RARB: variants seen among roughly 807,000 people sequenced by gnomAD.
RARB encodes the protein retinoic acid receptor beta, also known as HBV-activated protein.
A neutral mutation model predicts 51.9 loss-of-function variants in RARB; 17 were observed. The ratio of observed to expected loss-of-function variants is 0.33; its 90% CI spans 0.22 to 0.49. RARB has a LOEUF of 0.49. Ranked by LOEUF, RARB falls within the 20% of genes least tolerant of loss-of-function variation. RARB has a pLI of 0.99. For missense variants in RARB, 369 were observed against 550.8 expected (o/e 0.67, Z 3.30); for synonymous variants, 215 against 195.4 (o/e 1.10, Z -0.84).
intron 3 of RARB, among the ~76,000 whole-genome samples, chr3:25,120,157 G>A (rs1402089724): frequency 6.6e-6 from 1 of 152,112 alleles, no homozygotes; most frequent in East Asian, 1.9e-4. Context: ...CTATATCAGG[G>A]TTGCAAACCC....
At chr3:25,196,788 T>A (rs1701250772) in intron 5 of RARB, among the ~76,000 whole-genome samples, 1 of 152,192 alleles carries the variant, frequency 6.6e-6, no homozygotes, top group Admixed American at 6.5e-5. Flanking sequence ...GGTATCTCAT[T>A]GTGGTTTTGA....
intron 3 of RARB, among the ~76,000 whole-genome samples, chr3:25,509,683 A>G (rs1447710656): frequency 1.3e-5 from 2 of 151,954 alleles, no homozygotes; most frequent in South Asian, 2.1e-4. Context: ...CTGGAACCCA[A>G]CTCCATGGAG....
chr3:24,989,464 C>G lies in RARB; in HGVS notation c.-379-70661C>G, dbSNP rs547633402. ...TTTTCACTCCCACCAGCAATATACT[C>G]GAGTTTCCACTTCCCTACATCCTCA... On this transcript the variant is annotated intron_variant, in intron 2 of 11. Transcript: ENST00000383772. 1.3e-3 allele frequency among the ~76,000 whole-genome samples: 55 copies of G among 43,380 alleles called. 15 individuals are homozygous for G. Among genetic ancestry groups the G allele is most frequent in the Non-Finnish European group, 2.0e-3 (47 of 22,964 alleles). The allele number at this position is 43,380 out of a possible 152,430, so 28.5% of individuals were successfully genotyped here.
At chr3:25,094,716 C>CAAAAAAAAAAAAAAAAA (rs57477720) in intron 3 of RARB, among the ~76,000 whole-genome samples, 2 of 43,106 alleles carry the variant, frequency 4.6e-5, no homozygotes, top group Non-Finnish European at 7.9e-5. Flanking sequence ...GACCCCATCT[C>CAAAAAAAAAAAAAAAAA]AAAAAAAAAA....
Position 24,924,941 on chromosome 3 carries a change from G to A in RARB, c.-380+66189G>A, listed in dbSNP as rs565061686. Among the ~76,000 whole-genome samples, 121 of 152,080 alleles carry A rather than the reference G, an allele frequency of 8.0e-4. 1 individual carries two copies. The highest frequency in any genetic ancestry group is 1.5e-3 in the Non-Finnish European group (103 of 67,996). On this transcript the variant is annotated intron_variant, in intron 2 of 11. Transcript: ENST00000383772. ...CTGGCACATAGAGGATGGTGAATACGTGGTAGTCAACCACTATAGACAATG... is the reference window on the plus strand; with the variant it reads ...CTGGCACATAGAGGATGGTGAATACATGGTAGTCAACCACTATAGACAATG...
chr3:25,027,918 T>C (rs4858686), intron 2 of RARB, among the ~76,000 whole-genome samples: 29,788 of 152,070 alleles, frequency 0.2, 3,155 homozygotes, highest in African/African-American at 0.24. Flanking sequence ...AGAAAAACGA[T>C]GGTTGTGCAC....
chr3:25,516,714 C>A (rs1698183024), intron 3 of RARB, among the ~76,000 whole-genome samples: 1 of 149,962 alleles, frequency 6.7e-6, no homozygotes, highest in Non-Finnish European at 1.5e-5. Context: ...GCAATCTCTG[C>A]CTCCTGGGTT....
At chr3:25,161,823 A>T (rs370691885) in intron 4 of RARB, among the ~76,000 whole-genome samples, 59 of 152,322 alleles carry the variant, frequency 3.9e-4, no homozygotes, top group African/African-American at 1.4e-3. Flanking sequence ...TGAATAGGGG[A>T]AGGGGCCCAT....
At chr3:25,229,020 C>G (rs941516606) in intron 5 of RARB, among the ~76,000 whole-genome samples, 3 of 152,118 alleles carry the variant, frequency 2.0e-5, no homozygotes, top group African/African-American at 7.2e-5. Flanking sequence ...CTGTCCTATC[C>G]ACTAACTCAG....
intron 5 of RARB, among the ~76,000 whole-genome samples, chr3:25,407,758 CT>C (rs11293787): frequency 0.81 from 118,480 of 146,960 alleles, 47,714 homozygotes; most frequent in East Asian, 0.98. Context: ...TGCATGAAGG[CT>C]TTTTTTTTTT....
chr3:24,944,157 G>C (rs1021292255), intron 2 of RARB, among the ~76,000 whole-genome samples: 3 of 152,154 alleles, frequency 2.0e-5, no homozygotes, highest in East Asian at 1.9e-4. Context: ...ATGATTGCCT[G>C]TTTCAAAGCC....
At chr3:24,898,550 G>T (rs888578473) in intron 2 of RARB, among the ~76,000 whole-genome samples, 1 of 152,048 alleles carries the variant, frequency 6.6e-6, no homozygotes, top group Non-Finnish European at 1.5e-5. Context: ...CTTATGCGTA[G>T]AACAAATACT....
intron 5 of RARB, among the ~76,000 whole-genome samples, chr3:25,183,441 A>T (rs1165491810): frequency 6.6e-6 from 1 of 152,064 alleles, no homozygotes; most frequent in African/African-American, 2.4e-5. Context: ...TGACCTCAAC[A>T]TGTTCTCTTT....
chr3:25,179,150 A>G (rs1036559686), intron 5 of RARB, among the ~76,000 whole-genome samples: 16 of 152,206 alleles, frequency 1.1e-4, no homozygotes, highest in African/African-American at 3.9e-4. Context: ...TCTCAGAATT[A>G]CCAATGATGG....
chr3:25,565,282 A>G (rs867126471), intron 3 of RARB, among the ~76,000 whole-genome samples: 54 of 152,216 alleles, frequency 3.5e-4, no homozygotes, highest in African/African-American at 1.1e-3. Context: ...CAAAATGGGT[A>G]TAATAGTGAT....
intron 5 of RARB, among the ~76,000 whole-genome samples, chr3:25,197,095 GC>G (rs1413684130): frequency 6.6e-6 from 1 of 152,014 alleles, no homozygotes; most frequent in Non-Finnish European, 1.5e-5. Flanking sequence ...GTCTGTTTTG[GC>G]TTTTGTTGTC....
intron 5 of RARB, among the ~76,000 whole-genome samples, chr3:25,248,142 C>T (rs1303432088): frequency 6.6e-6 from 1 of 152,066 alleles, no homozygotes; most frequent in African/African-American, 2.4e-5. Context: ...TTTTGTGTCT[C>T]TTTGAACTGT....
intron 4 of RARB, among the ~76,000 whole-genome samples, chr3:25,141,385 G>A (rs1186156593): frequency 6.6e-6 from 1 of 151,986 alleles, no homozygotes; most frequent in Admixed American, 6.6e-5. Flanking sequence ...TGTCTTCAGT[G>A]GTTTTTGAAG....
intron 5 of RARB, among the ~76,000 whole-genome samples, chr3:25,260,354 G>C (rs898512213): frequency 1.3e-5 from 2 of 152,120 alleles, no homozygotes; most frequent in African/African-American, 4.8e-5. Context: ...ATTCCTAAAA[G>C]AGAACTGTCC....
Sources: allele counts gnomAD v4.1 joint callset (sites outside exome capture counted in the v4.1 genomes callset), GRCh38; gene constraint gnomAD v4.1.1; transcripts MANE v1.5; gene names NCBI Gene and HGNC (gene_info 2026-07-23, HGNC 2026-07-21).